PRKCH: variants seen among roughly 807,000 people sequenced by gnomAD.
PRKCH encodes the protein protein kinase C eta type.
In PRKCH, 28 loss-of-function variants were observed where a neutral mutation model predicts 82.5. That is an observed-to-expected ratio of 0.34 (90% CI 0.25 to 0.47). The LOEUF (loss-of-function observed/expected upper bound fraction) is 0.47, where lower values mean the gene tolerates loss of function less well. Ranked by LOEUF, PRKCH falls within the 20% of genes least tolerant of loss-of-function variation. The pLI, the probability that PRKCH is intolerant of heterozygous loss-of-function variation, is 1.00. For synonymous variants in PRKCH, 322 were observed against 327.4 expected, an observed-to-expected ratio of 0.98 and a Z score of 0.18; for missense variants, 705 against 881.8, an observed-to-expected ratio of 0.80 and a Z score of 2.54.
At chr14:61,495,679 T>G (rs1886638527) in intron 10 of PRKCH, among the ~76,000 whole-genome samples, 1 of 152,204 alleles carries the variant, frequency 6.6e-6, no homozygotes. Flanking sequence ...ACAAATAATT[T>G]TTTTGTTGTT....
At position 61,388,764 on chromosome 14, in the gene PRKCH, G is replaced by A. The variant is rs374761161; in HGVS notation, c.364-2461G>A. 1.6e-4 allele frequency among the ~76,000 whole-genome samples: 24 copies of A among 152,148 alleles called. 2 individuals carry two copies. Among genetic ancestry groups the A allele is most frequent in the Admixed American group, 1.4e-3 (22 of 15,284 alleles). ...CTATTTTCAGAGCTGTTCTATAAAGGTTCACAAGTGGTATTAAGATAGTTA... is the reference window on the plus strand; with the variant it reads ...CTATTTTCAGAGCTGTTCTATAAAGATTCACAAGTGGTATTAAGATAGTTA... On this transcript the variant is annotated intron_variant, in intron 1 of 13. Coordinates refer to ENST00000332981, the MANE Select transcript of PRKCH (RefSeq NM_006255.5).
At chr14:61,287,204 T>TAA (rs35045657) in intron 1 of PRKCH, among the ~76,000 whole-genome samples, 995 of 57,820 alleles carry the variant, frequency 0.017, 44 homozygotes, top group African/African-American at 0.049. Flanking sequence ...GACTCCGTCT[T>TAA]AAAAAAAAAA....
At chr14:61,198,832 G>A (rs1032067906) in intron 1 of PRKCH, among the ~76,000 whole-genome samples, 7 of 152,194 alleles carry the variant, frequency 4.6e-5, no homozygotes, top group Non-Finnish European at 2.9e-5. Flanking sequence ...AGGCCAATCA[G>A]CAGAAATAAA....
intron 1 of PRKCH, among the ~76,000 whole-genome samples, chr14:61,235,801 G>A (rs1259128166): frequency 6.6e-6 from 1 of 152,218 alleles, no homozygotes; most frequent in Non-Finnish European, 1.5e-5. Flanking sequence ...ATTAGGTTCA[G>A]ATGACTCTGG....
intron 9 of PRKCH, among the ~76,000 whole-genome samples, chr14:61,480,012 T>C (rs895427916): frequency 3.9e-5 from 6 of 152,188 alleles, no homozygotes; most frequent in Admixed American, 1.3e-4. Context: ...GCCACTTGGC[T>C]TTAGAAGTGA....
chr14:61,422,802 A>T (rs991880874), intron 2 of PRKCH, among the ~76,000 whole-genome samples: 4 of 152,090 alleles, frequency 2.6e-5, no homozygotes, highest in Non-Finnish European at 5.9e-5. Flanking sequence ...CATTTTTTTT[A>T]AAAGAAGCAG....
chr14:61,293,881 C>T (rs1345706113), intron 1 of PRKCH, among the ~76,000 whole-genome samples: 12 of 152,114 alleles, frequency 7.9e-5, no homozygotes, highest in Non-Finnish European at 1.5e-5. Context: ...GAGCTGATAA[C>T]CAAGCTCTTT....
intron 9 of PRKCH, among the ~76,000 whole-genome samples, chr14:61,464,749 G>A (rs1434949427): frequency 2.6e-5 from 4 of 152,144 alleles, no homozygotes; most frequent in African/African-American, 4.8e-5. Context: ...AGTATTCCAT[G>A]GTGTATATGT....
chr14:61,232,835 T>C (rs1235801800), intron 1 of PRKCH, among the ~76,000 whole-genome samples: 1 of 152,156 alleles, frequency 6.6e-6, no homozygotes, highest in African/African-American at 2.4e-5. Flanking sequence ...AATCAGGCCT[T>C]GGTGTTCATG....
intron 9 of PRKCH, among the ~76,000 whole-genome samples, chr14:61,480,222 A>T (rs149524501): frequency 1.3e-5 from 2 of 152,358 alleles, no homozygotes; most frequent in Non-Finnish European, 2.9e-5. Flanking sequence ...CTCTGTCTAG[A>T]GTGGGATTTG....
chr14:61,489,295 G>C (rs936046450), intron 10 of PRKCH, among the ~76,000 whole-genome samples: 2 of 152,188 alleles, frequency 1.3e-5, no homozygotes, highest in African/African-American at 4.8e-5. Flanking sequence ...TTCTTTGAGG[G>C]AGGGGAGGGA....
intron 10 of PRKCH, among the ~76,000 whole-genome samples, chr14:61,487,857 G>C (rs1243071432): frequency 6.6e-6 from 1 of 151,024 alleles, no homozygotes; most frequent in Non-Finnish European, 1.5e-5. Flanking sequence ...ATACATATAT[G>C]TTAAAAAATT....
intron 2 of PRKCH, among the ~76,000 whole-genome samples, chr14:61,406,306 C>CAGGTTACAGTTTTTGCGTTAAGGGTT (rs1566863365): frequency 2.6e-5 from 4 of 152,222 alleles, no homozygotes; most frequent in Non-Finnish European, 5.9e-5. Flanking sequence ...CGACAAGGGT[C>CAGGTTACAGTTTTTGCGTTAAGGGTT]AGGTTACAGT....
rs76414483 is a variant in PRKCH at position 61,407,658 on chromosome 14, C to T, written c.427+16370C>T. 4.1e-4 allele frequency among the ~76,000 whole-genome samples: 63 copies of T among 152,288 alleles called. No homozygotes were observed. The East Asian group carries it at 0.01, about 24-fold the overall frequency. ...CCATGCCTCTTTCTCGGGTGTTGGA[C>T]GTCCTCATTTGAGACTTTTAATTCC... On this transcript the variant is annotated intron_variant, in intron 2 of 13. Coordinates refer to ENST00000332981, the MANE Select transcript of PRKCH (RefSeq NM_006255.5).
At chr14:61,434,520 A>G (rs1247791474) in intron 2 of PRKCH, among the ~76,000 whole-genome samples, 1 of 152,216 alleles carries the variant, frequency 6.6e-6, no homozygotes, top group Non-Finnish European at 1.5e-5. Context: ...ACGTCAATAG[A>G]GGAAAATGAA....
intron 9 of PRKCH, among the ~76,000 whole-genome samples, chr14:61,471,511 G>T (rs1037162281): frequency 1.3e-5 from 2 of 151,486 alleles, no homozygotes; most frequent in Non-Finnish European, 2.9e-5. Flanking sequence ...CTGCTTTACC[G>T]GGCTAAAAAA....
At chr14:61,416,043 CTTTTCTTTTCTTTTTT>C (rs979195243) in intron 2 of PRKCH, among the ~76,000 whole-genome samples, 2 of 93,914 alleles carry the variant, frequency 2.1e-5, no homozygotes, top group African/African-American at 7.4e-5. Context: ...TTTTTCTTTT[CTTTTCTTTTCTTTTTT>C]TTTTTTTTTT....
chr14:61,424,567 A>G (rs1883012928), intron 2 of PRKCH, among the ~76,000 whole-genome samples: 1 of 152,206 alleles, frequency 6.6e-6, no homozygotes, highest in African/African-American at 2.4e-5. Flanking sequence ...CTTGAGAGAG[A>G]TGATCTGAAA....
chr14:61,362,054 A>T (rs982405865), intron 1 of PRKCH, among the ~76,000 whole-genome samples: 4 of 152,226 alleles, frequency 2.6e-5, no homozygotes, highest in Non-Finnish European at 2.9e-5. Context: ...AAAAGGAAAC[A>T]AGCTGAGTGC....
Sources: allele counts gnomAD v4.1 joint callset (sites outside exome capture counted in the v4.1 genomes callset), GRCh38; gene constraint gnomAD v4.1.1; transcripts MANE v1.5; gene names NCBI Gene and HGNC (gene_info 2026-07-23, HGNC 2026-07-21).